PLA2G4B: variants seen among roughly 807,000 people sequenced by gnomAD.
PLA2G4B encodes cytosolic phospholipase A2 beta.
In PLA2G4B, 122 loss-of-function variants were observed where a neutral mutation model predicts 95.8. That is an observed-to-expected ratio of 1.27 (90% CI 1.10 to 1.48). The LOEUF is 1.48. PLA2G4B is among the 40% of genes most tolerant of loss of function. The pLI is 0.00. For missense variants in PLA2G4B, 1,158 were observed against 996.2 expected, an observed-to-expected ratio of 1.16 and a Z score of -2.19; for synonymous variants, 518 against 421.5, an observed-to-expected ratio of 1.23 and a Z score of -2.80.
intron 6 of PLA2G4B, 68 bp downstream of exon 6, chr15:41,841,341 G>T: frequency 1.2e-6 from 2 of 1,611,230 alleles, no homozygotes; most frequent in Non-Finnish European, 1.7e-6. Context: ...GCGACTTGAG[G>T]TACAGGCCCA....
Position 41,846,245 on chromosome 15 carries a change from C to G in PLA2G4B, c.1643C>G (p.Ser548Ter). The G allele has an allele frequency of 6.2e-7, 1 of 1,614,086 alleles. No homozygotes were observed. Among genetic ancestry groups the G allele is most frequent in the South Asian group, 1.1e-5 (1 of 91,090 alleles). ...VPLLKIEEPP[S>*]TAGRIAEFFT... Reference sequence around the variant, plus strand: ...CTTCTGAAGATAGAAGAACCACCCTCAACAGCCGGCAGGATAGCTGAGTTT... The same window carrying G: ...CTTCTGAAGATAGAAGAACCACCCTGAACAGCCGGCAGGATAGCTGAGTTT... Residue 548 changes from serine (S) to a stop codon, truncating the protein, a stop_gained, in exon 17 of 20, where the codon TCA becomes TGA. Coordinates refer to ENST00000458483, the MANE Select transcript of PLA2G4B (RefSeq NM_001114633.2). LOFTEE classifies it high-confidence loss of function.
Position 41,847,665 on chromosome 15 carries a change from CGAG to C in PLA2G4B, c.2156_2158del (p.Glu719del). On this transcript the variant is annotated inframe_deletion, in exon 20 of 20. Coordinates refer to ENST00000458483, the MANE Select transcript of PLA2G4B (RefSeq NM_001114633.2). ...TCTCCACAGGGGTCCGGCGGACACC[CGAG>C]GAGGCGGCAGCTGGGGAGGTGAACC... 6.2e-7 allele frequency: 1 copy of C among 1,613,626 alleles called. No individual in the cohort carries two copies. Among genetic ancestry groups the C allele is most frequent in the Non-Finnish European group, 8.5e-7 (1 of 1,180,034 alleles).
rs972926802 is a variant in PLA2G4B, at chr15:41,840,879, C to T, written c.325C>T (p.Arg109Cys). The T allele has an allele frequency of 6.2e-6, 10 of 1,613,558 alleles. No individual in the cohort carries two copies. The highest frequency in any genetic ancestry group is 1.1e-5 in the South Asian group (1 of 91,080). Residue 109 changes from arginine to cysteine, a missense_variant, in exon 4 of 20, where the codon CGC becomes TGC. Transcript: ENST00000458483. ...AGTLRAGEFR[R>C]ESFSLSPQGE... ...GACTCTGCGGGCTGGGGAGTTCCGG[C>T]GCGAGAGCTTCTCACTGAGCCCTCA...
At position 41,842,881 on chromosome 15, in the gene PLA2G4B, C is replaced by T. The variant is rs1358492240; in HGVS notation, c.743+290C>T. Reference sequence around the variant, plus strand: ...GGGAGGCAAGGATGGAAAATGGTAACATGGTTTGGGGCGCAGAGAGGGCAG... The same window carrying T: ...GGGAGGCAAGGATGGAAAATGGTAATATGGTTTGGGGCGCAGAGAGGGCAG... On this transcript the variant is annotated intron_variant, in intron 10 of 19. Coordinates refer to ENST00000458483, the MANE Select transcript of PLA2G4B (RefSeq NM_001114633.2). The T allele has an allele frequency of 1.9e-5, 8 of 429,026 alleles. No homozygotes were observed. In the East Asian group the frequency reaches 3.7e-4, roughly 20 times the overall value. 26.6% of individuals were successfully genotyped at this position (429,026 alleles called of 1,614,324 possible).
intron 9 of PLA2G4B, 45 bp downstream of exon 9, chr15:41,842,321 G>A: frequency 6.2e-7 from 1 of 1,610,494 alleles, no homozygotes; most frequent in Non-Finnish European, 8.5e-7. Flanking sequence ...GGATGGGGCT[G>A]GGACCCAGGC....
intron 11 of PLA2G4B, 26 bp downstream of exon 11, chr15:41,843,837 G>A: frequency 6.2e-7 from 1 of 1,611,008 alleles, no homozygotes; most frequent in South Asian, 1.1e-5. Context: ...TGGATGGGGT[G>A]TCCCCGGGCT....
intron 10 of PLA2G4B, 154 bp downstream of exon 10, chr15:41,842,745 A>C: frequency 8.3e-7 from 1 of 1,211,470 alleles, no homozygotes; most frequent in Non-Finnish European, 1.1e-6. Context: ...GGCACGAAGT[A>C]CTGGGAGGAG....
Position 41,845,082 on chromosome 15 carries a change from G to A in PLA2G4B, c.1239+12G>A, listed in dbSNP as rs148841216. On this transcript the variant is annotated intron_variant, in intron 13 of 19. Coordinates refer to ENST00000458483, the MANE Select transcript of PLA2G4B (RefSeq NM_001114633.2). Reference sequence around the variant, plus strand: ...TGCTGCATGATGAGGTGCGGGGGCTGCGGCCTGGGGGCAGAGCCAGGGCAA... The same window carrying A: ...TGCTGCATGATGAGGTGCGGGGGCTACGGCCTGGGGGCAGAGCCAGGGCAA... 1,113 of 1,595,418 alleles carry A rather than the reference G, an allele frequency of 7.0e-4. 2 individuals carry two copies. Among genetic ancestry groups the A allele is most frequent in the Middle Eastern group, 6.0e-3 (36 of 6,026 alleles).
At chr15:41,844,389 C>A in intron 11 of PLA2G4B, 82 bp from the exon 12 acceptor site, 1 of 1,604,548 alleles carries the variant, frequency 6.2e-7, no homozygotes, top group Non-Finnish European at 8.5e-7. Context: ...TGGGTGGCCA[C>A]TTGACCTGCT....
At chr15:41,842,105 T>G (rs1217320505) in intron 8 of PLA2G4B, 88 bp from the exon 9 acceptor site, 15 of 1,588,560 alleles carry the variant, frequency 9.4e-6, no homozygotes, top group Non-Finnish European at 1.3e-5. Flanking sequence ...CTCCCATAAC[T>G]CTATGGCTGC....
rs577156999 is a variant in PLA2G4B, at chr15:41,847,406, G to A, written c.2017G>A (p.Glu673Lys). The A allele has an allele frequency of 5.1e-5, 82 of 1,612,750 alleles. No individual in the cohort carries two copies. In the Middle Eastern group the frequency reaches 2.3e-3, roughly 45 times the overall value. ...GTTCCCACCCATCTCGCCCAGCCCCGAAGAGCAGCTCCAGCCTCGGGAGTG... is the reference window on the plus strand; with the variant it reads ...GTTCCCACCCATCTCGCCCAGCCCCAAAGAGCAGCTCCAGCCTCGGGAGTG... ...IPFPPISPSP[E>K]EQLQPRECHT... Residue 673 changes from glutamate to lysine, a missense_variant, in exon 19 of 20, where the codon GAA (glutamate) becomes AAA (lysine). Glu to Lys is a moderately conservative substitution (Grantham distance 56). Coordinates refer to ENST00000458483, the MANE Select transcript of PLA2G4B (RefSeq NM_001114633.2).
intron 8 of PLA2G4B, 40 bp downstream of exon 8, chr15:41,841,989 T>C: frequency 1.3e-6 from 2 of 1,592,868 alleles, no homozygotes; most frequent in Non-Finnish European, 1.7e-6. Context: ...CCCCCAGAAC[T>C]TCCTCCCTCC....
rs1229308504 is a variant in PLA2G4B, at chr15:41,846,211, C to G, written c.1609C>G (p.Gln537Glu). Residue 537 changes from glutamine (Q) to glutamate (E), a missense_variant, in exon 17 of 20, where the codon CAG (glutamine) becomes GAG (glutamate). Coordinates refer to ENST00000458483, the MANE Select transcript of PLA2G4B (RefSeq NM_001114633.2). ...VRNQANLDKE[Q>E]VPLLKIEEPP... ...CCACCTTGCCTGTGTAGACAAGGAG[C>G]AGGTCCCCCTTCTGAAGATAGAAGA... 15 of 1,613,684 alleles carry G rather than the reference C, an allele frequency of 9.3e-6. No individual in the cohort carries two copies. The highest frequency in any genetic ancestry group is 5.3e-5 in the African/African-American group (4 of 75,022).
Position 41,843,779 on chromosome 15 carries a change from C to G in PLA2G4B, c.847C>G (p.Leu283Val), listed in dbSNP as rs147809034. ...QVVAAALRQA[L>V]QLDGDLQEDE... is the part of the protein sequence containing the mutation. ...GGTGGCCGCGGCCTTGAGGCAGGCC[C>G]TGCAGCTGGACGGAGACCTGCAGGA... Residue 283 changes from leucine (L) to valine (V), a missense_variant, in exon 11 of 20, where the codon CTG becomes GTG. Coordinates refer to ENST00000458483, the MANE Select transcript of PLA2G4B (RefSeq NM_001114633.2). The G allele has an allele frequency of 6.8e-6, 11 of 1,613,780 alleles. No individual in the cohort carries two copies. In the African/African-American group the frequency reaches 1.5e-4, roughly 22 times the overall value.
intron 4 of PLA2G4B, 58 bp from the exon 5 acceptor site, chr15:41,840,997 A>G: frequency 6.4e-7 from 1 of 1,572,608 alleles, no homozygotes; most frequent in Non-Finnish European, 8.7e-7. Flanking sequence ...TCTCATACTC[A>G]CTGACATATG....
rs201752073 is a variant in PLA2G4B, at chr15:41,841,552, G to A, written c.471G>A (p.Glu157=). 3.0e-5 allele frequency: 48 copies of A among 1,614,066 alleles called. No individual in the cohort carries two copies. The highest frequency in any genetic ancestry group is 3.3e-4 in the Middle Eastern group (2 of 6,060). The change falls in exon 7 of 20, where the codon GAG becomes GAA. Residue 157 remains glutamate, a synonymous_variant. Coordinates refer to ENST00000458483, the MANE Select transcript of PLA2G4B (RefSeq NM_001114633.2). ...RELSCLHVQL[E]ETGDQKSSEH... ...TCTCCTGCTTGCACGTTCAACTGGA[G>A]GAGACAGGAGACCAGAAGTGTGAGT...
rs761049094 is a variant in PLA2G4B at position 41,848,045 on chromosome 15, A to C, written c.*185A>C. ...GCAGTGGGGTAAGGAGGCCAAGCCC[A>C]TTTGTGTAATCACCCAAAACCCCCC... On this transcript the variant is annotated 3_prime_UTR_variant, in exon 20 of 20. Transcript: ENST00000458483. 2.1e-5 allele frequency: 16 copies of C among 768,856 alleles called. No individual in the cohort carries two copies. The South Asian group carries it at 3.0e-4, about 14-fold the overall frequency. The allele number at this position is 768,856 out of a possible 1,614,324, so 47.6% of individuals were successfully genotyped here. A position where few individuals can be genotyped will look rare whatever the true frequency, so the allele number is the denominator to read the frequency against.
rs754482477 is a variant in PLA2G4B, at chr15:41,847,658, G to A, written c.2144G>A (p.Arg715Gln). ...TGCACTCTCTCCACAGGGGTCCGGC[G>A]GACACCCGAGGAGGCGGCAGCTGGG... ...FREYSAPGVR[R>Q]TPEEAAAGEV... Residue 715 changes from arginine (R) to glutamine (Q), a missense_variant, in exon 20 of 20, where the codon CGG (arginine) becomes CAG (glutamine). Physicochemically the swap from Arg to Gln is conservative, Grantham distance 43. Transcript: ENST00000458483. 3.6e-5 allele frequency: 58 copies of A among 1,613,474 alleles called. No homozygotes were observed. The highest frequency in any genetic ancestry group is 1.6e-4 in the African/African-American group (12 of 74,906).
chr15:41,841,022 C>T (rs372711924), intron 4 of PLA2G4B, 33 bp from the exon 5 acceptor site: 3 of 1,568,936 alleles, frequency 1.9e-6, no homozygotes, highest in East Asian at 2.3e-5. Context: ...CTCCTTCTGA[C>T]CCTTTCTAAC....
Sources: allele counts gnomAD v4.1 joint callset, GRCh38; gene constraint gnomAD v4.1.1; transcripts MANE v1.5; gene names NCBI Gene and HGNC (gene_info 2026-07-23, HGNC 2026-07-21).